Variants in NRXN1 observed in about 807,000 individuals in gnomAD.
NRXN1 encodes the protein neurexin-1.
NRXN1 carries 39 observed loss-of-function variants against 150.9 expected under a neutral mutation model. That is an observed-to-expected ratio of 0.26 (90% CI 0.20 to 0.34). The LOEUF (loss-of-function observed/expected upper bound fraction) is 0.34, where lower values mean the gene tolerates loss of function less well. Ranked by LOEUF, NRXN1 falls within the 10% of genes least tolerant of loss-of-function variation. The pLI is 1.00. For synonymous variants in NRXN1, 924 were observed against 757.0 expected (o/e 1.22, Z -3.62); for missense variants, 1,815 against 1,949.9 (o/e 0.93, Z 1.30).
chr2:50,865,057 T>G (rs1676691915), intron 5 of NRXN1, among the ~76,000 whole-genome samples: 1 of 151,780 alleles, frequency 6.6e-6, no homozygotes, highest in South Asian at 2.1e-4. Flanking sequence ...AGAGTGCGTG[T>G]GTGTGTATGC....
At chr2:50,649,743 C>T (rs1300905990) in intron 5 of NRXN1, among the ~76,000 whole-genome samples, 1 of 151,976 alleles carries the variant, frequency 6.6e-6, no homozygotes, top group Non-Finnish European at 1.5e-5. Flanking sequence ...AATTGTTACA[C>T]TAGAAGGCAA....
intron 21 of NRXN1, among the ~76,000 whole-genome samples, chr2:50,020,866 C>T (rs1387070909): frequency 3.3e-5 from 5 of 152,140 alleles, no homozygotes; most frequent in African/African-American, 7.2e-5. Flanking sequence ...TGACACATTC[C>T]TTTCTCTTTC....
chr2:49,927,847 C>G (rs1304213508), intron 22 of NRXN1, among the ~76,000 whole-genome samples: 1 of 152,098 alleles, frequency 6.6e-6, no homozygotes, highest in Non-Finnish European at 1.5e-5. Context: ...CTTGAATGAG[C>G]TGTTCTTCCA....
chr2:50,250,994 T>G (rs560066873), intron 17 of NRXN1, among the ~76,000 whole-genome samples: 1 of 135,500 alleles, frequency 7.4e-6, no homozygotes, highest in Admixed American at 7.5e-5. Flanking sequence ...ATAAATTTAT[T>G]ACACATTGCA....
At chr2:50,750,116 G>A (rs1006318397) in intron 5 of NRXN1, among the ~76,000 whole-genome samples, 11 of 151,928 alleles carry the variant, frequency 7.2e-5, no homozygotes, top group Non-Finnish European at 1.3e-4. Flanking sequence ...TCTATTCTAC[G>A]AGCTTTCAGT....
chr2:50,339,688 A>G lies in NRXN1; in HGVS notation c.3365-102718T>C, dbSNP rs548709003. 1.3e-4 allele frequency among the ~76,000 whole-genome samples: 20 copies of G among 152,304 alleles called. No homozygotes were observed. The East Asian group carries it at 3.7e-3, about 28-fold the overall frequency. On this transcript the variant is annotated intron_variant, in intron 17 of 22. Coordinates refer to ENST00000401669, the MANE Select transcript of NRXN1 (RefSeq NM_001330078.2). ...TAGTGGTTACTATTTAATAAATAAC[A>G]TTCCTTATCACTACCTGAGCATAAC...
At position 51,028,435 on chromosome 2, in the gene NRXN1, T is replaced by C; in HGVS notation, c.-162A>G. 2.1e-6 allele frequency: 1 copy of C among 467,330 alleles called. No homozygotes were observed. The highest frequency in any genetic ancestry group is 3.2e-5 in the East Asian group (1 of 31,298). 28.9% of individuals were successfully genotyped at this position (467,330 alleles called of 1,614,324 possible). A position where few individuals can be genotyped will look rare whatever the true frequency, so the allele number is the denominator to read the frequency against. The stretch of plus-strand genomic sequence containing the variant: ...CTTTATCTAGTTCTTTTTTTCTTCT[T>C]CTTCTTCCAATAACCCCGCCCTCTC... On this transcript the variant is annotated 5_prime_UTR_variant, in exon 2 of 23. Transcript: ENST00000401669.
rs2077121585 is a variant in NRXN1 at position 50,335,499 on chromosome 2, C to G, written c.3365-98529G>C. On this transcript the variant is annotated intron_variant, in intron 17 of 22. Transcript: ENST00000401669. ...GGTGCAATCATTTTCCTAAGTTTTT[C>G]CTCGTCATCTTTACCCTCTCCCCAC... Among the ~76,000 whole-genome samples, 2 of 152,142 alleles carry G rather than the reference C, an allele frequency of 1.3e-5. 1 individual carries two copies. Among genetic ancestry groups the G allele is most frequent in the Admixed American group, 1.3e-4 (2 of 15,266 alleles).
intron 5 of NRXN1, among the ~76,000 whole-genome samples, chr2:50,852,635 T>G (rs1421575358): frequency 6.6e-6 from 1 of 152,154 alleles, no homozygotes; most frequent in Non-Finnish European, 1.5e-5. Flanking sequence ...GAAAAAATCT[T>G]AGAAAATGTC....
intron 2 of NRXN1, 41 bp from the exon 3 acceptor site, chr2:50,925,996 T>G (rs763547998): frequency 1.3e-6 from 2 of 1,537,262 alleles, no homozygotes; most frequent in African/African-American, 2.7e-5. Context: ...AGGAAAAACA[T>G]TCATTAAGCA....
At chr2:50,470,054 T>G (rs1180254850) in intron 16 of NRXN1, among the ~76,000 whole-genome samples, 2 of 151,676 alleles carry the variant, frequency 1.3e-5, no homozygotes, top group Non-Finnish European at 3.0e-5. Flanking sequence ...TCTTATTTTC[T>G]ATCTCATTGG....
At chr2:49,993,488 C>T (rs867309783) in intron 21 of NRXN1, among the ~76,000 whole-genome samples, 7 of 152,092 alleles carry the variant, frequency 4.6e-5, no homozygotes, top group Admixed American at 1.3e-4. Context: ...TAGATCCATG[C>T]CATGATATAT....
chr2:50,123,545 T>G (rs1414289789), intron 18 of NRXN1, among the ~76,000 whole-genome samples: 1 of 152,122 alleles, frequency 6.6e-6, no homozygotes, highest in Non-Finnish European at 1.5e-5. Flanking sequence ...GAACAGATAA[T>G]TGACACAGTC....
At chr2:50,113,561 G>A (rs1005012268) in intron 18 of NRXN1, among the ~76,000 whole-genome samples, 6 of 152,144 alleles carry the variant, frequency 3.9e-5, no homozygotes, top group Admixed American at 3.9e-4. Flanking sequence ...GCCTTTTTCT[G>A]AGACATCTGT....
At chr2:50,468,014 C>T (rs1313241755) in intron 16 of NRXN1, among the ~76,000 whole-genome samples, 5 of 151,480 alleles carry the variant, frequency 3.3e-5, no homozygotes, top group Admixed American at 2.6e-4. Context: ...AATAAAATCT[C>T]TCAAAGCAAT....
intron 8 of NRXN1, among the ~76,000 whole-genome samples, chr2:50,582,587 G>A (rs1344219497): frequency 6.7e-6 from 1 of 150,020 alleles, no homozygotes; most frequent in African/African-American, 2.5e-5. Context: ...AGAGACAGGG[G>A]AAGCCACTAG....
At chr2:50,506,394 C>T (rs2092222596) in intron 13 of NRXN1, 101 bp downstream of exon 13, 2 of 1,013,084 alleles carry the variant, frequency 2.0e-6, no homozygotes, top group South Asian at 4.3e-5. Context: ...TGTGTGAATA[C>T]ATTTCAAGTT....
chr2:49,967,556 A>G (rs1677170093), intron 21 of NRXN1, among the ~76,000 whole-genome samples: 1 of 152,092 alleles, frequency 6.6e-6, no homozygotes, highest in Non-Finnish European at 1.5e-5. Flanking sequence ...ATGTCCTCCC[A>G]TTTTAGAGTT....
At position 50,708,905 on chromosome 2, in the gene NRXN1, A is replaced by G. The variant is rs186483227; in HGVS notation, c.833-85290T>C. ...CTGTGTGAGCTTCCAGCCATAGCTC[A>G]ATCCAGGCACTCAGATCAGGAACAA... On this transcript the variant is annotated intron_variant, in intron 5 of 22. Coordinates refer to ENST00000401669, the MANE Select transcript of NRXN1 (RefSeq NM_001330078.2). 4.7e-3 allele frequency among the ~76,000 whole-genome samples: 723 copies of G among 152,310 alleles called. 5 individuals carry two copies. The highest frequency in any genetic ancestry group is 0.016 in the African/African-American group (670 of 41,576).
Sources: gnomAD v4.1 joint callset for allele counts (sites outside exome capture counted in the v4.1 genomes callset) on GRCh38, gnomAD v4.1.1 for gene constraint, MANE v1.5 for transcripts, NCBI Gene and HGNC (gene_info 2026-07-23, HGNC 2026-07-21) for gene names.